Variants in ABCB5 observed in about 807,000 individuals in gnomAD.
ABCB5 encodes the protein ATP-binding cassette sub-family B member 5.
ABCB5 carries 155 observed loss-of-function variants against 144.2 expected under a neutral mutation model. The observed-to-expected ratio is 1.08, with a 90% CI of 0.94 to 1.23. ABCB5 has a LOEUF of 1.23. ABCB5 is among the 50% of genes most tolerant of loss of function. ABCB5 has a pLI of 0.00. For synonymous variants in ABCB5, 610 were observed against 528.6 expected, an observed-to-expected ratio of 1.15 and a Z score of -2.11; for missense variants, 1,830 against 1,520.8, an observed-to-expected ratio of 1.20 and a Z score of -3.38.
chr7:20,681,589 G>A lies in ABCB5; in HGVS notation c.1792G>A (p.Gly598Arg). The A allele has an allele frequency of 6.2e-7, 1 of 1,614,206 alleles. No homozygotes were observed. Among genetic ancestry groups the A allele is most frequent in the Non-Finnish European group, 8.5e-7 (1 of 1,180,042 alleles). ...SADLIVTLKD[G>R]MLAEKGAHAE... Reference sequence around the variant, plus strand: ...AGATTTGATTGTGACCCTAAAGGATGGAATGCTGGCGGAGAAAGGAGCACA... The same window carrying A: ...AGATTTGATTGTGACCCTAAAGGATAGAATGCTGGCGGAGAAAGGAGCACA... The change falls in exon 15 of 28, where the codon GGA (glycine) becomes AGA (arginine). Residue 598 changes from glycine (G) to arginine (R), a missense_variant. Transcript: ENST00000404938.
intron 5 of ABCB5, among the ~76,000 whole-genome samples, chr7:20,640,521 C>T (rs1266688006): frequency 1.3e-5 from 2 of 152,118 alleles, no homozygotes; most frequent in East Asian, 3.8e-4. Flanking sequence ...GCCATCAGTT[C>T]AGTGTGATGC....
chr7:20,753,535 A>G, intron 27 of ABCB5, 29 bp downstream of exon 27: 1 of 1,592,746 alleles, frequency 6.3e-7, no homozygotes, highest in Non-Finnish European at 8.6e-7. Flanking sequence ...ATCTCAGAAT[A>G]TAATACCAAA....
chr7:20,702,015 C>A (rs570306602), intron 19 of ABCB5, among the ~76,000 whole-genome samples: 1 of 152,278 alleles, frequency 6.6e-6, no homozygotes, highest in East Asian at 1.9e-4. Context: ...AATTTAACAA[C>A]CGTGCTCAGA....
rs1037325697 is a variant in ABCB5 at position 20,698,633 on chromosome 7, A to G, written c.2154+83A>G. On this transcript the variant is annotated intron_variant, in intron 17 of 27. Coordinates refer to ENST00000404938, the MANE Select transcript of ABCB5 (RefSeq NM_001163941.2). ...GAACAAGCTTGTATCAGTCTAAACCACAAGGGGAAAATTGGGACTTTTAGT... is the reference window on the plus strand; with the variant it reads ...GAACAAGCTTGTATCAGTCTAAACCGCAAGGGGAAAATTGGGACTTTTAGT... 135 of 1,361,814 alleles carry G rather than the reference A, an allele frequency of 9.9e-5. 1 individual carries two copies. Among genetic ancestry groups the G allele is most frequent in the Non-Finnish European group, 1.3e-4 (128 of 1,021,142 alleles). The allele number at this position is 1,361,814 out of a possible 1,614,324, so 84.4% of individuals were successfully genotyped here. A position where few individuals can be genotyped will look rare whatever the true frequency, so the allele number is the denominator to read the frequency against.
chr7:20,657,133 T>A (rs1784830839), intron 13 of ABCB5, among the ~76,000 whole-genome samples: 1 of 152,048 alleles, frequency 6.6e-6, no homozygotes. Flanking sequence ...GGTGTCAAAC[T>A]CCTGGCTTCA....
rs117564389 is a variant in ABCB5, at chr7:20,676,215, C to T, written c.1708-5290C>T. On this transcript the variant is annotated intron_variant, in intron 14 of 27. Coordinates refer to ENST00000404938, the MANE Select transcript of ABCB5 (RefSeq NM_001163941.2). Reference sequence around the variant, plus strand: ...ACACACACACATATGTATAAGAATACGCACATTAATTCCAATAATCTGGAT... The same window carrying T: ...ACACACACACATATGTATAAGAATATGCACATTAATTCCAATAATCTGGAT... Among the ~76,000 whole-genome samples the T allele has an allele frequency of 6.0e-4, 90 of 149,464 alleles. No individual in the cohort carries two copies. The East Asian group carries it at 0.015, about 25-fold the overall frequency.
At chr7:20,672,829 G>A (rs1785491678) in intron 14 of ABCB5, among the ~76,000 whole-genome samples, 2 of 152,208 alleles carry the variant, frequency 1.3e-5, no homozygotes, top group Middle Eastern at 3.4e-3. Context: ...TAAAAAATCA[G>A]TTGTTCATAT....
chr7:20,725,189 T>C (rs1033864205), intron 21 of ABCB5, among the ~76,000 whole-genome samples: 1 of 152,232 alleles, frequency 6.6e-6, no homozygotes, highest in Non-Finnish European at 1.5e-5. Context: ...TAAGTCAATT[T>C]ACTAAACATC....
intron 14 of ABCB5, among the ~76,000 whole-genome samples, chr7:20,679,363 G>A (rs1785713122): frequency 6.6e-6 from 1 of 151,410 alleles, no homozygotes; most frequent in Admixed American, 6.6e-5. Context: ...CAGCTACTCT[G>A]GAGGCTGAGG....
intron 14 of ABCB5, among the ~76,000 whole-genome samples, chr7:20,677,257 C>T (rs922129155): frequency 6.6e-6 from 1 of 152,112 alleles, no homozygotes; most frequent in African/African-American, 2.4e-5. Flanking sequence ...TAGAAAAGAG[C>T]TCCGAAGCAC....
chr7:20,748,832 A>C (rs551974674), intron 26 of ABCB5, among the ~76,000 whole-genome samples: 1 of 152,168 alleles, frequency 6.6e-6, no homozygotes, highest in Admixed American at 6.5e-5. Flanking sequence ...ACCCATATGT[A>C]AAACAGGCAT....
chr7:20,652,236 T>C (rs1327507705), intron 13 of ABCB5, among the ~76,000 whole-genome samples: 6 of 152,138 alleles, frequency 3.9e-5, no homozygotes, highest in African/African-American at 1.4e-4. Flanking sequence ...AAAACTATGA[T>C]CATTTTTTAA....
intron 20 of ABCB5, among the ~76,000 whole-genome samples, chr7:20,719,203 A>G (rs1382443694): frequency 6.6e-6 from 1 of 152,084 alleles, no homozygotes; most frequent in African/African-American, 2.4e-5. Context: ...AACTGTGGTC[A>G]ATTCTGTCTT....
rs913888355 is a variant in ABCB5 at position 20,739,115 on chromosome 7, C to G, written c.3000C>G (p.Ser1000Arg). Reference sequence around the variant, plus strand: ...TGGAAAAGAAACCAAATATAGACAGCCGCAGTCAAGAAGGGAAAAAGCCAG... The same window carrying G: ...TGGAAAAGAAACCAAATATAGACAGGCGCAGTCAAGAAGGGAAAAAGCCAG... ...ALLEKKPNID[S>R]RSQEGKKPDT... Residue 1000 changes from serine (S) to arginine (R), a missense_variant, in exon 24 of 28, where the codon AGC becomes AGG. By Grantham distance (110) the Ser-to-Arg change is moderately radical. Coordinates refer to ENST00000404938, the MANE Select transcript of ABCB5 (RefSeq NM_001163941.2). The G allele has an allele frequency of 1.2e-6, 2 of 1,605,186 alleles. No individual in the cohort carries two copies. Among genetic ancestry groups the G allele is most frequent in the East Asian group, 4.5e-5 (2 of 44,636 alleles).
intron 14 of ABCB5, among the ~76,000 whole-genome samples, chr7:20,673,679 G>A (rs1398971845): frequency 6.6e-6 from 1 of 152,020 alleles, no homozygotes; most frequent in East Asian, 1.9e-4. Context: ...ACTGACAGAT[G>A]ACACGTAGTT....
chr7:20,706,772 G>A (rs1786838010), intron 20 of ABCB5, among the ~76,000 whole-genome samples: 1 of 152,092 alleles, frequency 6.6e-6, no homozygotes, highest in South Asian at 2.1e-4. Flanking sequence ...GATCAGTAGT[G>A]GGATAGTACC....
At chr7:20,659,065 G>A (rs760366116) in intron 14 of ABCB5, 7 of 1,613,794 alleles carry the variant, frequency 4.3e-6, no homozygotes, top group Non-Finnish European at 5.9e-6. Context: ...TTCTTCTTTA[G>A]GATACCCCCA....
chr7:20,655,194 A>AT (rs1372266554), intron 13 of ABCB5, among the ~76,000 whole-genome samples: 1 of 152,162 alleles, frequency 6.6e-6, no homozygotes, highest in Non-Finnish European at 1.5e-5. Context: ...ACAGCTGGGC[A>AT]TTTTTTGACA....
chr7:20,650,052 T>C lies in ABCB5; in HGVS notation c.1237T>C (p.Ser413Pro). 6.2e-7 allele frequency: 1 copy of C among 1,613,388 alleles called. No homozygotes were observed. The highest frequency in any genetic ancestry group is 8.5e-7 in the Non-Finnish European group (1 of 1,179,562). ...GAAAGGTCTGAATCTCAGAATTAAGTCTGGAGAGACAGTCGCCTTGGTCGG... is the reference window on the plus strand; with the variant it reads ...GAAAGGTCTGAATCTCAGAATTAAGCCTGGAGAGACAGTCGCCTTGGTCGG... ...ILKGLNLRIK[S>P]GETVALVGLN... The change falls in exon 12 of 28, where the codon TCT becomes CCT. Residue 413 changes from serine (S) to proline (P), a missense_variant. By Grantham distance (74) the Ser-to-Pro change is moderately conservative. Coordinates refer to ENST00000404938, the MANE Select transcript of ABCB5 (RefSeq NM_001163941.2).
Sources: allele counts gnomAD v4.1 joint callset (sites outside exome capture counted in the v4.1 genomes callset), GRCh38; gene constraint gnomAD v4.1.1; transcripts MANE v1.5; gene names NCBI Gene and HGNC (gene_info 2026-07-23, HGNC 2026-07-21).